Variants in LCOR observed in about 807,000 individuals in gnomAD.
LCOR encodes ligand-dependent corepressor.
Under a neutral mutation model 64.4 loss-of-function variants are expected in LCOR, and 14 were observed. The ratio of observed to expected loss-of-function variants is 0.22; its 90% CI spans 0.14 to 0.34. LCOR has a LOEUF of 0.34. Among genes scored for constraint, LCOR ranks in the 10% least tolerant of loss-of-function variants. The probability of loss-of-function intolerance (pLI) is 1.00; values close to 1 mark genes in which losing one functional copy is unlikely to be tolerated. For synonymous variants in LCOR, 643 were observed against 642.5 expected (o/e 1.00, Z -0.01); for missense variants, 1,686 against 1,765.3 (o/e 0.96, Z 0.80).
intron 2 of LCOR, among the ~76,000 whole-genome samples, chr10:96,839,872 A>G (rs1021448696): frequency 4.6e-5 from 7 of 152,018 alleles, no homozygotes; most frequent in African/African-American, 1.7e-4. Flanking sequence ...AGTTTTAGGA[A>G]AGACAGGGTT....
intron 2 of LCOR, among the ~76,000 whole-genome samples, chr10:96,854,626 C>T (rs1433351060): frequency 6.6e-6 from 1 of 152,078 alleles, no homozygotes; most frequent in African/African-American, 2.4e-5. Context: ...CGTGCCTGGC[C>T]CATTTCTTCA....
At chr10:96,973,243 T>C (rs1848013197) in intron 7 of LCOR, among the ~76,000 whole-genome samples, 1 of 152,194 alleles carries the variant, frequency 6.6e-6, no homozygotes, top group Middle Eastern at 3.2e-3. Flanking sequence ...TCACTGCTTC[T>C]CCTAAGCCAG....
At chr10:96,872,213 T>C (rs1846083313) in intron 2 of LCOR, among the ~76,000 whole-genome samples, 1 of 152,258 alleles carries the variant, frequency 6.6e-6, no homozygotes, top group Non-Finnish European at 1.5e-5. Flanking sequence ...CACATATGGC[T>C]TATGCCATTA....
chr10:96,977,961 C>G (rs1267715390), intron 7 of LCOR, among the ~76,000 whole-genome samples: 1 of 152,202 alleles, frequency 6.6e-6, no homozygotes, highest in Non-Finnish European at 1.5e-5. Flanking sequence ...GGGGCAGGTA[C>G]TCTACTAAGA....
chr10:96,865,511 A>G (rs552390488), intron 2 of LCOR, among the ~76,000 whole-genome samples: 100 of 150,774 alleles, frequency 6.6e-4, no homozygotes, highest in African/African-American at 2.4e-3. Flanking sequence ...TTTAATTGAG[A>G]TGCAATTAAA....
Position 96,981,331 on chromosome 10 carries a change from C to A in LCOR, c.871C>A (p.Gln291Lys). Residue 291 changes from glutamine (Q) to lysine (K), a missense_variant, in exon 8 of 8, where the codon CAG becomes AAG. By Grantham distance (53) the Gln-to-Lys change is moderately conservative. Around this residue, in one of 3 missense-constraint regions of LCOR, gnomAD observed 313 missense variants for 247.2 expected, o/e 1.27. Coordinates refer to ENST00000421806, the MANE Select transcript of LCOR (RefSeq NM_001346516.2). Reference sequence around the variant, plus strand: ...CCACATCCCTAAAATCTTGGAGGGGCAGACCACTGGACAAGAGCAAGACAC... The same window carrying A: ...CCACATCCCTAAAATCTTGGAGGGGAAGACCACTGGACAAGAGCAAGACAC... ...FHHIPKILEG[Q>K]TTGQEQDTNV... 1 of 1,607,968 alleles carries A rather than the reference C, an allele frequency of 6.2e-7. No homozygotes were observed. The highest frequency in any genetic ancestry group is 8.5e-7 in the Non-Finnish European group (1 of 1,175,416).
intron 4 of LCOR, among the ~76,000 whole-genome samples, chr10:96,916,608 T>A (rs1377090933): frequency 1.3e-5 from 2 of 148,326 alleles, no homozygotes; most frequent in Admixed American, 6.7e-5. Flanking sequence ...TATATATATC[T>A]ATATATATGA....
intron 4 of LCOR, among the ~76,000 whole-genome samples, chr10:96,929,824 T>C (rs1382620864): frequency 6.6e-6 from 1 of 152,144 alleles, no homozygotes; most frequent in Non-Finnish European, 1.5e-5. Context: ...TAGAGGTCAT[T>C]GTAAAGTATA....
intron 7 of LCOR, chr10:96,954,998 T>C (rs777129704): frequency 6.2e-7 from 1 of 1,613,406 alleles, no homozygotes; most frequent in Non-Finnish European, 8.5e-7. Context: ...GACTTCGGAG[T>C]GGTGATGGGG....
rs780189494 is a variant in LCOR at position 96,949,032 on chromosome 10, A to G, written c.-26A>G. 82 of 1,613,144 alleles carry G rather than the reference A, an allele frequency of 5.1e-5. No homozygotes were observed. The highest frequency in any genetic ancestry group is 1.3e-4 in the Admixed American group (8 of 59,956). ...GACAGTCCCTGGGTCTCCGACCCCAATATTCCCCTAGTGGCCCGTGAGATC... is the reference window on the plus strand; with the variant it reads ...GACAGTCCCTGGGTCTCCGACCCCAGTATTCCCCTAGTGGCCCGTGAGATC... On this transcript the variant is annotated 5_prime_UTR_variant, in exon 6 of 8. Transcript: ENST00000421806.
chr10:96,836,204 A>G (rs1047091390), intron 2 of LCOR, among the ~76,000 whole-genome samples: 3 of 152,150 alleles, frequency 2.0e-5, no homozygotes, highest in Admixed American at 2.0e-4. Context: ...GAACAATGCC[A>G]TTTTTTAGTC....
At position 96,983,735 on chromosome 10, in the gene LCOR, T is replaced by C. The variant is rs370898177; in HGVS notation, c.3275T>C (p.Val1092Ala). 5.0e-6 allele frequency: 8 copies of C among 1,613,964 alleles called. No individual in the cohort carries two copies. In the African/African-American group the frequency reaches 1.1e-4, roughly 22 times the overall value. Reference protein sequence around the residue: ...PLDEDDVDTVVDEQPKFMEWC... With the variant: ...PLDEDDVDTVADEQPKFMEWC... ...GATGAGGACGATGTTGACACCGTGG[T>C]AGATGAACAGCCAAAGTTTATGGAA... Residue 1092 changes from valine to alanine, a missense_variant, in exon 8 of 8, where the codon GTA becomes GCA. Val to Ala is a moderately conservative substitution (Grantham distance 64). This residue lies in a region of LCOR where 1,293 missense variants were observed against 1,410.4 expected (regional missense o/e 0.92). Transcript: ENST00000421806. This position sits in a 1 kb window ranked among gnomAD's most constrained non-coding sequence, Gnocchi z 4.5.
chr10:96,959,481 T>G (rs1451276434), intron 7 of LCOR: 1 of 152,212 alleles, frequency 6.6e-6, no homozygotes, highest in East Asian at 1.9e-4. Context: ...GCTATGGCAC[T>G]ATAAAATCAA....
chr10:96,848,635 G>C (rs540917994), intron 2 of LCOR, among the ~76,000 whole-genome samples: 1 of 152,220 alleles, frequency 6.6e-6, no homozygotes, highest in African/African-American at 2.4e-5. Flanking sequence ...TCCAGTCTGG[G>C]CAACAAGAGT....
At chr10:96,974,018 G>A (rs1202498704) in intron 7 of LCOR, among the ~76,000 whole-genome samples, 1 of 152,140 alleles carries the variant, frequency 6.6e-6, no homozygotes, top group African/African-American at 2.4e-5. Context: ...GAAATTAAAT[G>A]TTGTGTTATT....
rs146498112 is a variant in LCOR, at chr10:96,897,500, C to G, written c.-329-9765C>G. Reference sequence around the variant, plus strand: ...CTAGAAAAAATGAAACAGAACTGCCCCTGGATTTCCAAAGACTTAATCTGA... The same window carrying G: ...CTAGAAAAAATGAAACAGAACTGCCGCTGGATTTCCAAAGACTTAATCTGA... On this transcript the variant is annotated intron_variant, in intron 2 of 7. Transcript: ENST00000421806. Among the ~76,000 whole-genome samples the G allele has an allele frequency of 8.2e-3, 1,251 of 152,258 alleles. 10 individuals carry two copies. Among genetic ancestry groups the G allele is most frequent in the Non-Finnish European group, 0.014 (946 of 67,994 alleles).
rs1428326175 is a variant in LCOR at position 96,955,169 on chromosome 10, T to C, written c.332+2973T>C. On this transcript the variant is annotated intron_variant, in intron 7 of 7. Coordinates refer to ENST00000421806, the MANE Select transcript of LCOR (RefSeq NM_001346516.2). ...TTGGGCCATCTGGATTACAGAATCA[T>C]GGACAACACTTAATATTATCCAGGG... 8 of 1,614,202 alleles carry C rather than the reference T, an allele frequency of 5.0e-6. No homozygotes were observed. The East Asian group carries it at 6.7e-5, about 13-fold the overall frequency.
chr10:96,876,505 G>A (rs1459326592), intron 2 of LCOR, among the ~76,000 whole-genome samples: 2 of 152,044 alleles, frequency 1.3e-5, no homozygotes, highest in Non-Finnish European at 2.9e-5. Flanking sequence ...TACTTTATAT[G>A]ACAAAAGCCA....
chr10:96,952,875 G>A (rs528165926), intron 7 of LCOR, among the ~76,000 whole-genome samples: 2 of 152,188 alleles, frequency 1.3e-5, no homozygotes, highest in African/African-American at 2.4e-5. Context: ...TGTTGAAAAA[G>A]CATTTCTATA....
Sources: gnomAD v4.1 joint callset for allele counts (sites outside exome capture counted in the v4.1 genomes callset) on GRCh38, gnomAD v4.1.1 for gene constraint, gnomAD v4.1.1 regional missense constraint, Gnocchi (gnomAD v3.1) non-coding constraint, MANE v1.5 for transcripts, NCBI Gene and HGNC (gene_info 2026-07-23, HGNC 2026-07-21) for gene names.